PTPRJ: variants seen among roughly 807,000 people sequenced by gnomAD.
PTPRJ encodes the protein protein tyrosine phosphatase receptor type J, also known as receptor-type tyrosine-protein phosphatase eta.
Under a neutral mutation model 141.3 loss-of-function variants are expected in PTPRJ, and 129 were observed. The observed-to-expected ratio is 0.91, with a 90% CI of 0.79 to 1.06. The LOEUF (loss-of-function observed/expected upper bound fraction) is 1.06, where lower values mean the gene tolerates loss of function less well. Ranked by LOEUF, PTPRJ falls within the 50% of genes least tolerant of loss-of-function variation. PTPRJ has a pLI of 0.00. For missense variants in PTPRJ, 1,601 were observed against 1,679.7 expected (o/e 0.95, Z 0.82); for synonymous variants, 610 against 640.5 (o/e 0.95, Z 0.72).
At chr11:48,060,088 G>A (rs1458387683) in intron 1 of PTPRJ, among the ~76,000 whole-genome samples, 1 of 152,130 alleles carries the variant, frequency 6.6e-6, no homozygotes, top group African/African-American at 2.4e-5. Flanking sequence ...CAATTAGCTT[G>A]CTGTTCGGAT....
chr11:48,027,559 G>A (rs1042791183), intron 1 of PTPRJ, among the ~76,000 whole-genome samples: 1 of 152,000 alleles, frequency 6.6e-6, no homozygotes, highest in African/African-American at 2.4e-5. Context: ...GGGAGGCTGA[G>A]GCAGGTGGAT....
At chr11:48,041,523 A>G (rs1254864290) in intron 1 of PTPRJ, among the ~76,000 whole-genome samples, 1 of 152,238 alleles carries the variant, frequency 6.6e-6, no homozygotes, top group African/African-American at 2.4e-5. Context: ...AAGTCTCACC[A>G]GAGTTGACTG....
intron 3 of PTPRJ, among the ~76,000 whole-genome samples, chr11:48,118,035 A>T (rs1458290482): frequency 6.6e-6 from 1 of 152,232 alleles, no homozygotes; most frequent in Non-Finnish European, 1.5e-5. Flanking sequence ...TAATCCAATA[A>T]TGAGTTAGGA....
rs1565298754 is a variant in PTPRJ at position 48,092,312 on chromosome 11, A to AAAAAAAAG, written c.97-17741_97-17740insAAGAAAAA. Reference sequence around the variant, plus strand: ...TTCATCTCAAAAAAAAAAAAAAAAAAAAAAAGAAAAAGAAAAAAAGAAATG... The same window carrying AAAAAAAAG: ...TTCATCTCAAAAAAAAAAAAAAAAAAAAAAAAAGAAAAAGAAAAAGAAAAAAAGAAATG... On this transcript the variant is annotated intron_variant, in intron 1 of 24. Coordinates refer to ENST00000418331, the MANE Select transcript of PTPRJ (RefSeq NM_002843.4). Among the ~76,000 whole-genome samples, 12 of 148,880 alleles carry AAAAAAAAG rather than the reference A, an allele frequency of 8.1e-5. No homozygotes were observed. In the East Asian group the frequency reaches 2.3e-3, roughly 29 times the overall value.
At chr11:48,160,810 GTTTTGTAGC>G (rs1857751311) in intron 22 of PTPRJ, among the ~76,000 whole-genome samples, 1 of 152,128 alleles carries the variant, frequency 6.6e-6, no homozygotes, top group African/African-American at 2.4e-5. Flanking sequence ...TGCAGACATG[GTTTTGTAGC>G]TTTTGTAGCT....
intron 1 of PTPRJ, among the ~76,000 whole-genome samples, chr11:48,069,693 C>T (rs1282225059): frequency 1.3e-5 from 2 of 152,008 alleles, no homozygotes; most frequent in Non-Finnish European, 2.9e-5. Context: ...CCTCGTGATC[C>T]GCCCACCTCA....
intron 1 of PTPRJ, among the ~76,000 whole-genome samples, chr11:48,002,230 C>T (rs1041268038): frequency 2.2e-4 from 34 of 151,386 alleles, no homozygotes; most frequent in African/African-American, 6.3e-4. Context: ...CTCTGCTTCC[C>T]GGGTTCAAGT....
chr11:48,057,180 G>T (rs1159456476), intron 1 of PTPRJ, among the ~76,000 whole-genome samples: 2 of 152,184 alleles, frequency 1.3e-5, no homozygotes, highest in Non-Finnish European at 2.9e-5. Flanking sequence ...ATTGCCTGGT[G>T]TGGTGCGCGG....
intron 1 of PTPRJ, among the ~76,000 whole-genome samples, chr11:48,108,129 A>G (rs1199532292): frequency 6.6e-6 from 1 of 152,154 alleles, no homozygotes; most frequent in Non-Finnish European, 1.5e-5. Flanking sequence ...AATGCTGGGG[A>G]GAGTATGAGC....
intron 1 of PTPRJ, among the ~76,000 whole-genome samples, chr11:48,037,178 T>G (rs1202749897): frequency 1.3e-5 from 2 of 152,208 alleles, no homozygotes; most frequent in Non-Finnish European, 2.9e-5. Flanking sequence ...GAAATATCAG[T>G]TAGCAGTTTT....
At chr11:48,098,754 C>CA in intron 1 of PTPRJ, among the ~76,000 whole-genome samples, 1 of 16,806 alleles carries the variant, frequency 6.0e-5, no homozygotes, top group Non-Finnish European at 3.0e-4. Flanking sequence ...CTCCTGACCT[C>CA]GTGATCCGCC....
At chr11:48,153,450 G>A (rs934871779) in intron 18 of PTPRJ, among the ~76,000 whole-genome samples, 100 of 130,322 alleles carry the variant, frequency 7.7e-4, no homozygotes, top group African/African-American at 2.9e-3. Context: ...AGGAGACCGC[G>A]CCACTGCACT....
intron 1 of PTPRJ, among the ~76,000 whole-genome samples, chr11:48,022,960 G>A (rs1354488254): frequency 1.3e-5 from 2 of 152,164 alleles, no homozygotes; most frequent in East Asian, 1.9e-4. Context: ...GAAGGCTCAA[G>A]TCACACGGTG....
intron 1 of PTPRJ, among the ~76,000 whole-genome samples, chr11:48,034,261 G>T (rs965038585): frequency 2.0e-5 from 3 of 152,146 alleles, no homozygotes; most frequent in African/African-American, 7.2e-5. Context: ...AGAACAAGTG[G>T]TTATTCATTT....
At position 48,137,291 on chromosome 11, in the gene PTPRJ, G is replaced by GC; in HGVS notation, c.2152+14dup. ...AAGTCATTCTGTACAGGTGAGTGTA[G>GC]CCCCAACTGCCTCTTGGACTCCTCC... On this transcript the variant is annotated intron_variant, in intron 10 of 24. Coordinates refer to ENST00000418331, the MANE Select transcript of PTPRJ (RefSeq NM_002843.4). The GC allele has an allele frequency of 6.2e-7, 1 of 1,609,312 alleles. No individual in the cohort carries two copies. Among genetic ancestry groups the GC allele is most frequent in the Non-Finnish European group, 8.5e-7 (1 of 1,176,600 alleles).
chr11:48,149,643 A>G, intron 16 of PTPRJ, 155 bp downstream of exon 16: 1 of 574,820 alleles, frequency 1.7e-6, no homozygotes, highest in South Asian at 2.5e-5. Flanking sequence ...GTTTTCTGCA[A>G]GGAATCTATG....
intron 1 of PTPRJ, among the ~76,000 whole-genome samples, chr11:48,049,456 T>C (rs1466099158): frequency 6.6e-6 from 1 of 151,320 alleles, no homozygotes; most frequent in African/African-American, 2.5e-5. Context: ...GACGGGCAGA[T>C]CACCTGAGGT....
At chr11:48,020,098 T>A (rs1462595706) in intron 1 of PTPRJ, among the ~76,000 whole-genome samples, 1 of 152,218 alleles carries the variant, frequency 6.6e-6, no homozygotes, top group African/African-American at 2.4e-5. Context: ...TATAGGCATG[T>A]CCCGAGATCC....
chr11:48,048,167 G>A (rs545441320), intron 1 of PTPRJ, among the ~76,000 whole-genome samples: 39 of 152,286 alleles, frequency 2.6e-4, no homozygotes, highest in African/African-American at 9.4e-4. Flanking sequence ...TGCACTGAGA[G>A]TCTCTGGTAC....
Sources: allele counts gnomAD v4.1 joint callset (sites outside exome capture counted in the v4.1 genomes callset), GRCh38; gene constraint gnomAD v4.1.1; transcripts MANE v1.5; gene names NCBI Gene and HGNC (gene_info 2026-07-23, HGNC 2026-07-21).